Variants in ZRANB3 observed in about 807,000 individuals in gnomAD.
ZRANB3 encodes zinc finger RANBP2-type containing 3, also known as DNA annealing helicase and endonuclease ZRANB3.
In ZRANB3, 125 loss-of-function variants were observed where a neutral mutation model predicts 133.8. The observed-to-expected ratio is 0.93, with a 90% CI of 0.81 to 1.08. The LOEUF is 1.08. Ranked by LOEUF, ZRANB3 falls within the 50% of genes least tolerant of loss-of-function variation. The pLI, the probability that ZRANB3 is intolerant of heterozygous loss-of-function variation, is 0.00. For missense variants in ZRANB3, 1,229 were observed against 1,275.5 expected, an observed-to-expected ratio of 0.96 and a Z score of 0.56; for synonymous variants, 387 against 432.7, an observed-to-expected ratio of 0.89 and a Z score of 1.31.
intron 8 of ZRANB3, among the ~76,000 whole-genome samples, chr2:135,303,285 T>C (rs569844137): frequency 1.4e-4 from 21 of 152,252 alleles, no homozygotes; most frequent in South Asian, 8.3e-4. Flanking sequence ...GTCTAAAACA[T>C]TGTCCTACCC....
At chr2:135,372,877 T>C (rs1336286915) in intron 3 of ZRANB3, among the ~76,000 whole-genome samples, 1 of 150,230 alleles carries the variant, frequency 6.7e-6, no homozygotes, top group Non-Finnish European at 1.5e-5. Context: ...AGGCTAGGAG[T>C]TTGAGACCAG....
At chr2:135,336,800 G>A (rs942735373) in intron 6 of ZRANB3, among the ~76,000 whole-genome samples, 1 of 152,074 alleles carries the variant, frequency 6.6e-6, no homozygotes, top group African/African-American at 2.4e-5. Flanking sequence ...TATTGACCAC[G>A]TGGGTTGTTC....
chr2:135,376,345 T>A (rs1375664073), intron 3 of ZRANB3, among the ~76,000 whole-genome samples: 1 of 152,202 alleles, frequency 6.6e-6, no homozygotes, highest in Admixed American at 6.5e-5. Context: ...TCTAGCAGTT[T>A]CACACTCCTA....
At chr2:135,526,001 C>T (rs1694143994) in intron 1 of ZRANB3, among the ~76,000 whole-genome samples, 1 of 151,998 alleles carries the variant, frequency 6.6e-6, no homozygotes, top group African/African-American at 2.4e-5. Flanking sequence ...TAGTCAAATT[C>T]AGAAACAGAA....
chr2:135,359,300 T>C (rs1275975093), intron 3 of ZRANB3, among the ~76,000 whole-genome samples: 1 of 152,130 alleles, frequency 6.6e-6, no homozygotes, highest in African/African-American at 2.4e-5. Context: ...AATAAATTTC[T>C]TGGTTGGGTA....
intron 2 of ZRANB3, among the ~76,000 whole-genome samples, chr2:135,451,910 A>T (rs1172812009): frequency 6.6e-6 from 1 of 152,240 alleles, no homozygotes; most frequent in Non-Finnish European, 1.5e-5. Context: ...ATGGTTAACA[A>T]CAGATAAGAC....
At chr2:135,232,768 GA>G (rs1426077684) in intron 12 of ZRANB3, among the ~76,000 whole-genome samples, 3 of 152,160 alleles carry the variant, frequency 2.0e-5, no homozygotes, top group African/African-American at 7.2e-5. Flanking sequence ...AAACAGAAAG[GA>G]CATCCACACC....
chr2:135,303,735 C>T (rs1432563153), intron 8 of ZRANB3, among the ~76,000 whole-genome samples: 1 of 152,122 alleles, frequency 6.6e-6, no homozygotes, highest in Non-Finnish European at 1.5e-5. Flanking sequence ...TAAAAATTTA[C>T]AGAGAACTGG....
At chr2:135,263,491 A>G (rs1573784136) in intron 12 of ZRANB3, among the ~76,000 whole-genome samples, 1 of 152,184 alleles carries the variant, frequency 6.6e-6, no homozygotes, top group Non-Finnish European at 1.5e-5. Flanking sequence ...CCAGAGGAAC[A>G]ACAACAACAA....
chr2:135,211,569 T>C (rs150443034), intron 17 of ZRANB3, among the ~76,000 whole-genome samples: 221 of 152,234 alleles, frequency 1.5e-3, no homozygotes, highest in African/African-American at 5.0e-3. Flanking sequence ...AAGAAACCCG[T>C]ACCCACTAGC....
At position 135,353,598 on chromosome 2, in the gene ZRANB3, C is replaced by T. The variant is rs1558938246; in HGVS notation, c.211G>A (p.Gly71Arg). Reference sequence around the variant, plus strand: ...TCCTCTTTATAGAAGTAAGTAATTCCAATTGCCTGGATTGTCTTTCCTAGA... The same window carrying T: ...TCCTCTTTATAGAAGTAAGTAATTCTAATTGCCTGGATTGTCTTTCCTAGA... ...MGLGKTIQAI[G>R]ITYFYKEEWP... Residue 71 changes from glycine to arginine, a missense_variant, in exon 4 of 21, where the codon GGA becomes AGA. Coordinates refer to ENST00000264159, the MANE Select transcript of ZRANB3 (RefSeq NM_032143.4). 3 of 1,585,496 alleles carry T rather than the reference C, an allele frequency of 1.9e-6. No homozygotes were observed. The highest frequency in any genetic ancestry group is 2.6e-6 in the Non-Finnish European group (3 of 1,165,264).
intron 1 of ZRANB3, among the ~76,000 whole-genome samples, chr2:135,528,660 C>A (rs74825526): frequency 2.0e-5 from 3 of 151,840 alleles, no homozygotes; most frequent in Admixed American, 6.5e-5. Context: ...AAAAAAAAAA[C>A]TAAGCATCTA....
chr2:135,416,719 C>T (rs988073879), intron 2 of ZRANB3, among the ~76,000 whole-genome samples: 1 of 152,006 alleles, frequency 6.6e-6, no homozygotes, highest in Non-Finnish European at 1.5e-5. Flanking sequence ...TACTACAAGG[C>T]TACAGTAACC....
At chr2:135,286,740 T>C (rs1472975945) in intron 8 of ZRANB3, among the ~76,000 whole-genome samples, 1 of 152,196 alleles carries the variant, frequency 6.6e-6, no homozygotes, top group East Asian at 1.9e-4. Context: ...TTCATGTCCT[T>C]AGCCCACTTT....
chr2:135,384,059 G>T (rs1469536286), intron 3 of ZRANB3, among the ~76,000 whole-genome samples: 1 of 152,092 alleles, frequency 6.6e-6, no homozygotes, highest in Non-Finnish European at 1.5e-5. Flanking sequence ...CCAGGAGCTG[G>T]TTTTTTGAAA....
intron 2 of ZRANB3, among the ~76,000 whole-genome samples, chr2:135,497,299 T>C (rs7606663): frequency 2.2e-4 from 34 of 152,136 alleles, no homozygotes; most frequent in African/African-American, 7.7e-4. Flanking sequence ...TGAAAAAGAG[T>C]AAGGCTGAAA....
chr2:135,428,689 C>T (rs1689195705), intron 2 of ZRANB3, among the ~76,000 whole-genome samples: 1 of 152,124 alleles, frequency 6.6e-6, no homozygotes, highest in African/African-American at 2.4e-5. Context: ...TTAACTTTGC[C>T]ATTTAACTTT....
intron 1 of ZRANB3, among the ~76,000 whole-genome samples, chr2:135,518,679 G>A (rs556140707): frequency 1.6e-4 from 24 of 152,300 alleles, no homozygotes; most frequent in African/African-American, 5.5e-4. Context: ...GCTGGGAGCT[G>A]CAGATTGGAA....
intron 2 of ZRANB3, among the ~76,000 whole-genome samples, chr2:135,414,574 G>A (rs1427095978): frequency 6.6e-6 from 1 of 152,028 alleles, no homozygotes; most frequent in Non-Finnish European, 1.5e-5. Context: ...GGATACCCAG[G>A]GATTGAACTC....
Sources: gnomAD v4.1 joint callset for allele counts (sites outside exome capture counted in the v4.1 genomes callset) on GRCh38, gnomAD v4.1.1 for gene constraint, MANE v1.5 for transcripts, NCBI Gene and HGNC (gene_info 2026-07-23, HGNC 2026-07-21) for gene names.